Variants in NRCAM observed in about 807,000 individuals in gnomAD.
The protein encoded by NRCAM is NgCAM-related cell adhesion molecule.
In NRCAM, 83 loss-of-function variants were observed where a neutral mutation model predicts 156.5. The observed-to-expected ratio is 0.53, with a 90% CI of 0.44 to 0.64. The LOEUF is 0.64. Ranked by LOEUF, NRCAM falls within the 30% of genes least tolerant of loss-of-function variation. NRCAM has a pLI of 0.00. For missense variants in NRCAM, 1,417 were observed against 1,597.3 expected, an observed-to-expected ratio of 0.89 and a Z score of 1.92; for synonymous variants, 538 against 563.9, an observed-to-expected ratio of 0.95 and a Z score of 0.65.
At chr7:108,250,650 CAA>C (rs1031964075) in intron 3 of NRCAM, among the ~76,000 whole-genome samples, 1 of 108,256 alleles carries the variant, frequency 9.2e-6, no homozygotes. Context: ...TTATTAGGTA[CAA>C]AAAAAAAAAA....
chr7:108,241,369 T>A (rs2095515748), intron 3 of NRCAM, among the ~76,000 whole-genome samples: 1 of 152,164 alleles, frequency 6.6e-6, no homozygotes, highest in African/African-American at 2.4e-5. Flanking sequence ...CATCCCACAG[T>A]AAACTCCTAC....
At chr7:108,243,439 T>A (rs1245007059) in intron 3 of NRCAM, among the ~76,000 whole-genome samples, 2 of 152,230 alleles carry the variant, frequency 1.3e-5, no homozygotes, top group African/African-American at 4.8e-5. Context: ...GTCAATTCTT[T>A]GACTCAGTAG....
intron 1 of NRCAM, among the ~76,000 whole-genome samples, chr7:108,401,076 A>G (rs1362670855): frequency 6.6e-6 from 1 of 150,842 alleles, no homozygotes; most frequent in South Asian, 2.2e-4. Context: ...CCTGATCAAC[A>G]TGGTGAAACC....
intron 11 of NRCAM, among the ~76,000 whole-genome samples, chr7:108,210,781 C>G (rs1255365788): frequency 6.6e-6 from 1 of 152,172 alleles, no homozygotes; most frequent in African/African-American, 2.4e-5. Context: ...TTCCTAAGTA[C>G]TGAACTATAC....
At chr7:108,212,011 C>A (rs1325903083) in intron 11 of NRCAM, among the ~76,000 whole-genome samples, 1 of 152,200 alleles carries the variant, frequency 6.6e-6, no homozygotes, top group African/African-American at 2.4e-5. Flanking sequence ...CCCCTGCCAC[C>A]TCCACCAGAA....
intron 2 of NRCAM, among the ~76,000 whole-genome samples, chr7:108,337,178 G>A (rs1249436310): frequency 2.6e-5 from 4 of 151,532 alleles, no homozygotes; most frequent in Non-Finnish European, 4.4e-5. Flanking sequence ...TGGGAGAATC[G>A]CTTGAACCTG....
chr7:108,184,658 GTCAA>G, intron 20 of NRCAM, 44 bp from the exon 21 acceptor site: 1 of 1,572,824 alleles, frequency 6.4e-7, no homozygotes, highest in Non-Finnish European at 8.7e-7. Flanking sequence ...CGTGAATTCA[GTCAA>G]CTCAGGGGTA....
intron 2 of NRCAM, among the ~76,000 whole-genome samples, chr7:108,389,386 G>C (rs1402543290): frequency 6.6e-6 from 1 of 152,126 alleles, no homozygotes; most frequent in Non-Finnish European, 1.5e-5. Flanking sequence ...GAATGCTTGT[G>C]ATTTTTGCAT....
intron 5 of NRCAM, 53 bp from the exon 6 acceptor site, chr7:108,234,741 T>C (rs1589401836): frequency 8.1e-7 from 1 of 1,230,516 alleles, no homozygotes; most frequent in Non-Finnish European, 1.2e-6. Flanking sequence ...AAAATCATAA[T>C]AGTAGCCATT....
At chr7:108,258,789 A>G (rs992333201) in intron 3 of NRCAM, among the ~76,000 whole-genome samples, 6 of 151,868 alleles carry the variant, frequency 4.0e-5, no homozygotes, top group Non-Finnish European at 7.4e-5. Flanking sequence ...ACAAACAAGC[A>G]CTCTGATGTC....
intron 3 of NRCAM, among the ~76,000 whole-genome samples, chr7:108,256,333 C>T (rs956135400): frequency 5.0e-5 from 7 of 140,052 alleles, no homozygotes; most frequent in African/African-American, 1.9e-4. Flanking sequence ...CCCCCAACCC[C>T]GTGCTCTCTG....
At chr7:108,375,416 G>A (rs532536084) in intron 2 of NRCAM, among the ~76,000 whole-genome samples, 6 of 152,086 alleles carry the variant, frequency 3.9e-5, no homozygotes, top group Non-Finnish European at 8.8e-5. Flanking sequence ...ATTCATCCGC[G>A]TGATGGATGT....
chr7:108,198,005 G>C lies in NRCAM; in HGVS notation c.1302C>G (p.Ala434=). ...CCAGTAAATATCCATATTCATTAGA[G>C]GCATTGCACTGATAGACTGCACTTG... ...ERSSAVYQCN[A]SNEYGYLLAN... is the part of the protein sequence containing the mutation. The change falls in exon 14 of 33, where the codon GCC becomes GCG. Residue 434 remains alanine, a synonymous_variant. Coordinates refer to ENST00000379028, the MANE Select transcript of NRCAM (RefSeq NM_001037132.4). The C allele has an allele frequency of 3.8e-6, 6 of 1,585,622 alleles. No homozygotes were observed. Among genetic ancestry groups the C allele is most frequent in the Non-Finnish European group, 4.3e-6 (5 of 1,166,120 alleles).
At position 108,148,807 on chromosome 7, in the gene NRCAM, A is replaced by G. The variant is rs969778767; in HGVS notation, c.*1103T>C. On this transcript the variant is annotated 3_prime_UTR_variant, in exon 33 of 33. Transcript: ENST00000379028. Reference sequence around the variant, plus strand: ...AGCATGTTGACATCTTTCTTACTGAATGTAATAGAAACCATAAAGGACCAC... The same window carrying G: ...AGCATGTTGACATCTTTCTTACTGAGTGTAATAGAAACCATAAAGGACCAC... The G allele has an allele frequency of 2.0e-5, 3 of 152,326 alleles. No homozygotes were observed. Among genetic ancestry groups the G allele is most frequent in the Non-Finnish European group, 2.9e-5 (2 of 68,040 alleles). The allele number at this position is 152,326 out of a possible 1,614,324, so 9.4% of individuals were successfully genotyped here.
chr7:108,149,622 T>G lies in NRCAM; in HGVS notation c.*288A>C. The stretch of plus-strand genomic sequence containing the variant: ...TTTTCATGCATCATATTGAACTGTA[T>G]CCTGCAGAGGAAATAACAGGATCTG... On this transcript the variant is annotated 3_prime_UTR_variant, in exon 33 of 33. Coordinates refer to ENST00000379028, the MANE Select transcript of NRCAM (RefSeq NM_001037132.4). 2.4e-6 allele frequency: 1 copy of G among 419,056 alleles called. No individual in the cohort carries two copies. The highest frequency in any genetic ancestry group is 4.1e-5 in the Admixed American group (1 of 24,386). The allele number at this position is 419,056 out of a possible 1,614,324, so 26.0% of individuals were successfully genotyped here.
intron 2 of NRCAM, among the ~76,000 whole-genome samples, chr7:108,364,433 A>T (rs892982530): frequency 6.6e-6 from 1 of 152,188 alleles, no homozygotes; most frequent in African/African-American, 2.4e-5. Flanking sequence ...AGGCACTTTG[A>T]AAAACAGTTT....
At chr7:108,230,767 T>G (rs2094222686) in intron 8 of NRCAM, among the ~76,000 whole-genome samples, 1 of 152,134 alleles carries the variant, frequency 6.6e-6, no homozygotes, top group Admixed American at 6.5e-5. Context: ...AACACAGATT[T>G]TCTAAATGTA....
intron 2 of NRCAM, among the ~76,000 whole-genome samples, chr7:108,316,725 C>A (rs1383049371): frequency 6.6e-6 from 1 of 151,212 alleles, no homozygotes; most frequent in African/African-American, 2.4e-5. Context: ...GGAGGCAGAG[C>A]TTGCAGTGAG....
chr7:108,431,850 T>C (rs1382103243), intron 1 of NRCAM, among the ~76,000 whole-genome samples: 1 of 152,214 alleles, frequency 6.6e-6, no homozygotes, highest in East Asian at 1.9e-4. Flanking sequence ...CAAGGCATTA[T>C]TTCCAAAAGT....
Sources: gnomAD v4.1 joint callset for allele counts (sites outside exome capture counted in the v4.1 genomes callset) on GRCh38, gnomAD v4.1.1 for gene constraint, MANE v1.5 for transcripts, NCBI Gene and HGNC (gene_info 2026-07-23, HGNC 2026-07-21) for gene names.